L3MBTL4: variants seen among roughly 807,000 people sequenced by gnomAD.
The protein encoded by L3MBTL4 is L3MBTL histone methyl-lysine binding protein 4.
In L3MBTL4, 70 loss-of-function variants were observed where a neutral mutation model predicts 84.5. The ratio of observed to expected loss-of-function variants is 0.83; its 90% CI spans 0.68 to 1.01. L3MBTL4 has a LOEUF of 1.01. Among genes scored for constraint, L3MBTL4 ranks in the 50% least tolerant of loss-of-function variants. The pLI, the probability that L3MBTL4 is intolerant of heterozygous loss-of-function variation, is 0.00. For synonymous variants in L3MBTL4, 274 were observed against 259.8 expected (o/e 1.05, Z -0.52); for missense variants, 715 against 754.8 (o/e 0.95, Z 0.62).
At position 5,956,162 on chromosome 18, in the gene L3MBTL4, C is replaced by T; in HGVS notation, c.*58G>A. ...ACATTCACATCAAATTAATGTGCTC[C>T]ACTTTTATTGCTGAAAGAGCGCAGG... On this transcript the variant is annotated 3_prime_UTR_variant, in exon 19 of 19. Coordinates refer to ENST00000317931, the MANE Select transcript of L3MBTL4 (RefSeq NM_001330559.2). The T allele has an allele frequency of 1.4e-6, 2 of 1,428,392 alleles. No homozygotes were observed. Among genetic ancestry groups the T allele is most frequent in the South Asian group, 2.5e-5 (2 of 80,500 alleles). 88.5% of individuals were successfully genotyped at this position (1,428,392 alleles called of 1,614,324 possible). A position where few individuals can be genotyped will look rare whatever the true frequency, so the allele number is the denominator to read the frequency against.
At chr18:6,027,148 C>A (rs1265081042) in intron 16 of L3MBTL4, among the ~76,000 whole-genome samples, 1 of 152,030 alleles carries the variant, frequency 6.6e-6, no homozygotes, top group Non-Finnish European at 1.5e-5. Flanking sequence ...TTAAGCCCCA[C>A]ATGCATTAGG....
chr18:6,257,449 AAAGAAGGTTGG>A (rs1423680973), intron 5 of L3MBTL4, among the ~76,000 whole-genome samples: 1 of 152,012 alleles, frequency 6.6e-6, no homozygotes, highest in Non-Finnish European at 1.5e-5. Context: ...TGGAGGTGGG[AAAGAAGGTTGG>A]AAAAATCCAG....
At chr18:6,319,695 C>T (rs1040253757) in intron 1 of L3MBTL4, among the ~76,000 whole-genome samples, 2 of 152,030 alleles carry the variant, frequency 1.3e-5, no homozygotes, top group African/African-American at 4.8e-5. Context: ...TGAATTTTAC[C>T]AGACATTCAA....
intron 1 of L3MBTL4, among the ~76,000 whole-genome samples, chr18:6,400,926 C>T (rs1263263749): frequency 6.6e-6 from 1 of 152,182 alleles, no homozygotes; most frequent in South Asian, 2.1e-4. Context: ...CTCGTGTTCT[C>T]TTCTTGAGCA....
At chr18:6,323,808 A>C (rs1443156879) in intron 1 of L3MBTL4, among the ~76,000 whole-genome samples, 2 of 152,278 alleles carry the variant, frequency 1.3e-5, no homozygotes, top group African/African-American at 4.8e-5. Context: ...ATTTTCAGGG[A>C]AAGAATTCAA....
intron 1 of L3MBTL4, among the ~76,000 whole-genome samples, chr18:6,390,346 G>C (rs2054993549): frequency 6.6e-6 from 1 of 152,090 alleles, no homozygotes; most frequent in African/African-American, 2.4e-5. Flanking sequence ...TAAGGGTAAA[G>C]TTTACAATGC....
chr18:6,254,774 A>G (rs946151148), intron 5 of L3MBTL4, among the ~76,000 whole-genome samples: 4 of 152,130 alleles, frequency 2.6e-5, no homozygotes, highest in South Asian at 2.1e-4. Context: ...CAAAATCCTC[A>G]TTTCCCCAGA....
intron 4 of L3MBTL4, among the ~76,000 whole-genome samples, chr18:6,285,905 C>T (rs932699263): frequency 1.3e-5 from 2 of 151,158 alleles, no homozygotes; most frequent in African/African-American, 4.9e-5. Context: ...AATCTCGGCT[C>T]ACTGCAACCT....
chr18:6,313,502 A>G (rs1165605496), intron 1 of L3MBTL4, among the ~76,000 whole-genome samples: 1 of 152,254 alleles, frequency 6.6e-6, no homozygotes, highest in Admixed American at 6.5e-5. Context: ...ACTAAATTCA[A>G]TAACATTACA....
intron 14 of L3MBTL4, among the ~76,000 whole-genome samples, chr18:6,131,471 C>T (rs1366196987): frequency 6.6e-6 from 1 of 152,102 alleles, no homozygotes; most frequent in Admixed American, 6.5e-5. Context: ...CAAGAAGTGT[C>T]TTGTAAAATG....
intron 14 of L3MBTL4, among the ~76,000 whole-genome samples, chr18:6,124,940 C>A (rs1469900776): frequency 6.6e-6 from 1 of 151,716 alleles, no homozygotes; most frequent in African/African-American, 2.4e-5. Context: ...CTAATTAACA[C>A]AATAGATATA....
intron 16 of L3MBTL4, among the ~76,000 whole-genome samples, chr18:6,024,400 C>T (rs1405494303): frequency 6.6e-6 from 1 of 152,210 alleles, no homozygotes; most frequent in Non-Finnish European, 1.5e-5. Flanking sequence ...TTGCAGCTAT[C>T]TTTGTACTAC....
intron 13 of L3MBTL4, among the ~76,000 whole-genome samples, chr18:6,140,265 C>T (rs1265265543): frequency 6.6e-6 from 1 of 152,174 alleles, no homozygotes; most frequent in African/African-American, 2.4e-5. Context: ...CTTCCCTTGT[C>T]TAACTTAGAT....
intron 4 of L3MBTL4, among the ~76,000 whole-genome samples, chr18:6,270,906 C>T (rs1049485027): frequency 1.3e-5 from 2 of 152,158 alleles, no homozygotes; most frequent in Non-Finnish European, 2.9e-5. Context: ...TATGAATCAG[C>T]ACTAGGTAAG....
intron 13 of L3MBTL4, 36 bp from the exon 14 acceptor site, chr18:6,138,332 C>A: frequency 7.8e-7 from 1 of 1,284,518 alleles, no homozygotes; most frequent in Non-Finnish European, 1.1e-6. Flanking sequence ...TGAAAACACC[C>A]TCATTAAAGA....
Position 6,116,359 on chromosome 18 carries a change from GTTT to G in L3MBTL4, c.1199+21832_1199+21834del, listed in dbSNP as rs147840317. On this transcript the variant is annotated intron_variant, in intron 14 of 18. Coordinates refer to ENST00000317931, the MANE Select transcript of L3MBTL4 (RefSeq NM_001330559.2). ...TACATTGTTGTTGTGGTTGTTGCTG[GTTT>G]TTTTTTTTTTTTTTTTGAGATGGAG... Among the ~76,000 whole-genome samples the G allele has an allele frequency of 3.5e-3, 456 of 129,886 alleles. 11 individuals are homozygous for G. The East Asian group carries it at 0.068, about 19-fold the overall frequency. 85.2% of individuals were successfully genotyped at this position (129,886 alleles called of 152,430 possible). A position where few individuals can be genotyped will look rare whatever the true frequency, so the allele number is the denominator to read the frequency against.
chr18:6,333,661 ATG>A (rs2052167731), intron 1 of L3MBTL4, among the ~76,000 whole-genome samples: 1 of 152,114 alleles, frequency 6.6e-6, no homozygotes, highest in South Asian at 2.1e-4. Context: ...ATGTACACGT[ATG>A]TGTTTACATA....
intron 3 of L3MBTL4, among the ~76,000 whole-genome samples, chr18:6,306,440 T>C (rs1476986792): frequency 6.6e-6 from 1 of 152,176 alleles, no homozygotes; most frequent in Admixed American, 6.5e-5. Flanking sequence ...TATAAATACA[T>C]GAATTTTACT....
At position 6,344,678 on chromosome 18, in the gene L3MBTL4, T is replaced by C. The variant is rs139246331; in HGVS notation, c.-90-32622A>G. On this transcript the variant is annotated intron_variant, in intron 1 of 18. Transcript: ENST00000317931. ...ATTTAACAGCACATTAAGAGAATTATACACTCTCATCAAGTGGGACTTATC... is the reference window on the plus strand; with the variant it reads ...ATTTAACAGCACATTAAGAGAATTACACACTCTCATCAAGTGGGACTTATC... Among the ~76,000 whole-genome samples, 608 of 152,322 alleles carry C rather than the reference T, an allele frequency of 4.0e-3. 7 individuals carry two copies. Among genetic ancestry groups the C allele is most frequent in the African/African-American group, 0.014 (563 of 41,568 alleles).
Sources: allele counts gnomAD v4.1 joint callset (sites outside exome capture counted in the v4.1 genomes callset), GRCh38; gene constraint gnomAD v4.1.1; transcripts MANE v1.5; gene names NCBI Gene and HGNC (gene_info 2026-07-23, HGNC 2026-07-21).